Variants in ZBTB49 observed in about 807,000 individuals in gnomAD.
The protein encoded by ZBTB49 is zinc finger and BTB domain-containing protein 49.
ZBTB49 carries 43 observed loss-of-function variants against 57.5 expected under a neutral mutation model. That is an observed-to-expected ratio of 0.75 (90% CI 0.59 to 0.97). The LOEUF is 0.97. Among genes scored for constraint, ZBTB49 ranks in the 50% least tolerant of loss-of-function variants. The pLI is 0.00. For missense variants in ZBTB49, 938 were observed against 947.7 expected, an observed-to-expected ratio of 0.99 and a Z score of 0.13; for synonymous variants, 369 against 362.1, an observed-to-expected ratio of 1.02 and a Z score of -0.22.
intron 7 of ZBTB49, 107 bp downstream of exon 7, chr4:4,316,077 T>C: frequency 7.0e-7 from 1 of 1,428,628 alleles, no homozygotes; most frequent in East Asian, 2.3e-5. Context: ...CTTTGTTTCC[T>C]CCTGTTTTTT....
At position 4,302,174 on chromosome 4, in the gene ZBTB49, G is replaced by A; in HGVS notation, c.338G>A (p.Cys113Tyr). The A allele has an allele frequency of 1.2e-6, 2 of 1,614,230 alleles. No homozygotes were observed. The highest frequency in any genetic ancestry group is 1.7e-6 in the Non-Finnish European group (2 of 1,180,040). ...CLQVQNVLSL[C>Y]HTFLKSATVV... ...CAAGTTCAAAATGTTCTGAGTCTGT[G>A]TCACACATTTTTAAAATCAGCCACT... The change falls in exon 3 of 8, where the codon TGT becomes TAT. Residue 113 changes from cysteine to tyrosine, a missense_variant. This residue lies in a region of ZBTB49 where 835 missense variants were observed against 819.1 expected (regional missense o/e 1.02). Transcript: ENST00000337872.
At chr4:4,311,831 T>C (rs1479320710) in intron 4 of ZBTB49, among the ~76,000 whole-genome samples, 4 of 152,260 alleles carry the variant, frequency 2.6e-5, no homozygotes, top group Non-Finnish European at 5.9e-5. Context: ...TTGAGTTTTT[T>C]CGAAGCCACA....
chr4:4,292,752 C>G (rs1179692704), intron 1 of ZBTB49, among the ~76,000 whole-genome samples: 1 of 152,128 alleles, frequency 6.6e-6, no homozygotes, highest in Non-Finnish European at 1.5e-5. Context: ...GAACTGTGGG[C>G]CCTTGGAGAA....
rs768845980 is a variant in ZBTB49 at position 4,302,660 on chromosome 4, A to G, written c.824A>G (p.Asn275Ser). 1 of 1,610,314 alleles carries G rather than the reference A, an allele frequency of 6.2e-7. No individual in the cohort carries two copies. The highest frequency in any genetic ancestry group is 1.1e-5 in the South Asian group (1 of 90,560). ...GAGTCTCCCGAGCACTTACCTTCCAACTTCCTGGCCCAGCCTGTGAATGAC... is the reference window on the plus strand; with the variant it reads ...GAGTCTCCCGAGCACTTACCTTCCAGCTTCCTGGCCCAGCCTGTGAATGAC... ...ILESPEHLPS[N>S]FLAQPVNDSA... Residue 275 changes from asparagine to serine, a missense_variant, in exon 3 of 8, where the codon AAC (asparagine) becomes AGC (serine). Asn to Ser is a conservative substitution (Grantham distance 46). This residue lies in a region of ZBTB49 where 835 missense variants were observed against 819.1 expected (regional missense o/e 1.02). Transcript: ENST00000337872.
intron 3 of ZBTB49, among the ~76,000 whole-genome samples, chr4:4,303,774 C>T (rs1410090687): frequency 3.4e-5 from 2 of 58,540 alleles, no homozygotes; most frequent in Admixed American, 2.0e-4. Context: ...GTGTGTGTCT[C>T]TCTCTCTCTC....
chr4:4,310,217 G>A (rs896167402), intron 4 of ZBTB49, among the ~76,000 whole-genome samples: 6 of 152,236 alleles, frequency 3.9e-5, no homozygotes, highest in Non-Finnish European at 8.8e-5. Context: ...AAGGTAAAAT[G>A]GTATTAGAAA....
intron 1 of ZBTB49, among the ~76,000 whole-genome samples, chr4:4,295,904 G>A (rs1720176051): frequency 1.3e-5 from 2 of 152,164 alleles, no homozygotes; most frequent in African/African-American, 4.8e-5. Context: ...ACATTGAAGG[G>A]GCATGCCATT....
In ZBTB49 at chr4:4,321,530, A is replaced by G; in HGVS notation, c.*214A>G. On this transcript the variant is annotated 3_prime_UTR_variant, in exon 8 of 8. Coordinates refer to ENST00000337872, the MANE Select transcript of ZBTB49 (RefSeq NM_145291.4). ...TCACCGTGAGGCAGCCGCGGGAGGGAGCGCTGACGTCACAGAAGCGAAGGC... is the reference window on the plus strand; with the variant it reads ...TCACCGTGAGGCAGCCGCGGGAGGGGGCGCTGACGTCACAGAAGCGAAGGC... 1 of 589,658 alleles carries G rather than the reference A, an allele frequency of 1.7e-6. No homozygotes were observed. Among genetic ancestry groups the G allele is most frequent in the East Asian group, 2.9e-5 (1 of 34,416 alleles). The allele number at this position is 589,658 out of a possible 1,614,324, so 36.5% of individuals were successfully genotyped here.
chr4:4,299,014 G>A (rs189258104), intron 1 of ZBTB49, among the ~76,000 whole-genome samples: 2 of 152,346 alleles, frequency 1.3e-5, no homozygotes, highest in Admixed American at 6.5e-5. Context: ...TAGTCAGTTG[G>A]AGAACAGAGG....
chr4:4,294,037 A>C (rs982140234), intron 1 of ZBTB49, among the ~76,000 whole-genome samples: 1 of 152,266 alleles, frequency 6.6e-6, no homozygotes, highest in Non-Finnish European at 1.5e-5. Context: ...TAAAATGTGG[A>C]TAATAGTAGC....
At chr4:4,300,928 G>A (rs1720446498) in intron 2 of ZBTB49, among the ~76,000 whole-genome samples, 1 of 151,700 alleles carries the variant, frequency 6.6e-6, no homozygotes, top group Admixed American at 6.6e-5. Flanking sequence ...TGCTCTAGTA[G>A]ACAACGTGGG....
intron 1 of ZBTB49, among the ~76,000 whole-genome samples, chr4:4,296,562 C>G (rs1720212904): frequency 6.6e-6 from 1 of 152,198 alleles, no homozygotes. Context: ...ATTGTGAGGC[C>G]TCTCCAGGCA....
At chr4:4,294,917 T>TGTGTGTGTGTG (rs1720122184) in intron 1 of ZBTB49, among the ~76,000 whole-genome samples, 3 of 84,722 alleles carry the variant, frequency 3.5e-5, no homozygotes, top group Non-Finnish European at 8.4e-5. Context: ...GTGTGTGTGT[T>TGTGTGTGTGTG]TAATGTCTTT....
At position 4,308,809 on chromosome 4, in the gene ZBTB49, T is replaced by G. The variant is rs1432703816; in HGVS notation, c.1302+2625T>G. 2.0e-5 allele frequency among the ~76,000 whole-genome samples: 3 copies of G among 152,316 alleles called. No homozygotes were observed. In the East Asian group the frequency reaches 5.8e-4, roughly 29 times the overall value. On this transcript the variant is annotated intron_variant, in intron 4 of 7. Coordinates refer to ENST00000337872, the MANE Select transcript of ZBTB49 (RefSeq NM_145291.4). ...GAAATGTTGGAACTGCTGACAGTTATCTACGGGAACAGTGTGGGCAAAGAA... is the reference window on the plus strand; with the variant it reads ...GAAATGTTGGAACTGCTGACAGTTAGCTACGGGAACAGTGTGGGCAAAGAA...
intron 7 of ZBTB49, among the ~76,000 whole-genome samples, chr4:4,319,038 C>T (rs1267433003): frequency 6.6e-6 from 1 of 151,772 alleles, no homozygotes; most frequent in Non-Finnish European, 1.5e-5. Context: ...CACAGGCATG[C>T]ACCACCACAC....
chr4:4,309,260 A>G (rs1206734578), intron 4 of ZBTB49, among the ~76,000 whole-genome samples: 2 of 152,210 alleles, frequency 1.3e-5, no homozygotes, highest in Non-Finnish European at 2.9e-5. Context: ...GAGTGACCAC[A>G]GAAGCTGCAT....
At chr4:4,305,607 A>T (rs1720700274) in intron 3 of ZBTB49, among the ~76,000 whole-genome samples, 1 of 152,230 alleles carries the variant, frequency 6.6e-6, no homozygotes, top group African/African-American at 2.4e-5. Flanking sequence ...ACATCTCCCA[A>T]AATGAAATCT....
intron 3 of ZBTB49, among the ~76,000 whole-genome samples, chr4:4,305,382 G>C (rs559286526): frequency 6.6e-6 from 1 of 152,234 alleles, no homozygotes; most frequent in East Asian, 1.9e-4. Flanking sequence ...GAAAATGAGA[G>C]GTTCTTAGTG....
chr4:4,314,477 T>G, intron 5 of ZBTB49, among the ~76,000 whole-genome samples: 1 of 152,240 alleles, frequency 6.6e-6, no homozygotes, highest in East Asian at 1.9e-4. Context: ...GTTCAAGCGA[T>G]TCTCCTGCCT....
Sources: allele counts gnomAD v4.1 joint callset (sites outside exome capture counted in the v4.1 genomes callset), GRCh38; gene constraint gnomAD v4.1.1; regional missense constraint gnomAD v4.1.1; transcripts MANE v1.5; gene names NCBI Gene and HGNC (gene_info 2026-07-23, HGNC 2026-07-21).